The following LLGL2 variants were observed in gnomAD, a reference collection of about 807,000 sequenced individuals.
LLGL2 encodes LLGL2, scribble cell polarity complex component.
LLGL2 carries 81 observed loss-of-function variants against 123.2 expected under a neutral mutation model. That is an observed-to-expected ratio of 0.66 (90% CI 0.55 to 0.79). The LOEUF (loss-of-function observed/expected upper bound fraction) is 0.79. Ranked by LOEUF, LLGL2 falls within the 30% of genes least tolerant of loss-of-function variation. LLGL2 has a pLI of 0.00. For missense variants in LLGL2, 1,273 were observed against 1,414.6 expected (o/e 0.90, Z 1.61); for synonymous variants, 577 against 594.1 (o/e 0.97, Z 0.42).
chr17:75,571,199 G>A, intron 17 of LLGL2, 99 bp downstream of exon 17: 2 of 1,152,460 alleles, frequency 1.7e-6, no homozygotes, highest in South Asian at 1.4e-5. Flanking sequence ...CTGGCTGGTA[G>A]GAGCTAAGAG....
chr17:75,569,223 G>A lies in LLGL2; in HGVS notation c.1479G>A (p.Val493=). The A allele has an allele frequency of 6.2e-7, 1 of 1,613,442 alleles. No homozygotes were observed. The highest frequency in any genetic ancestry group is 8.5e-7 in the Non-Finnish European group (1 of 1,179,888). The part of the protein sequence containing the change: ...GEDEWPPLRK[V]GSFDPYSDDP... Reference sequence around the variant, plus strand: ...ACAGGGCCCCTCCCCTTCTCCAGGTGGGCTCCTTTGACCCCTACAGTGATG... The same window carrying A: ...ACAGGGCCCCTCCCCTTCTCCAGGTAGGCTCCTTTGACCCCTACAGTGATG... The change falls in exon 14 of 26, where the codon GTG becomes GTA. Residue 493 remains valine, a splice_region_variant and synonymous_variant. Transcript: ENST00000392550.
Position 75,564,493 on chromosome 17 carries a change from C to T in LLGL2, c.1022C>T (p.Ala341Val). Residue 341 changes from alanine (A) to valine (V), a missense_variant, in exon 10 of 26, where the codon GCA becomes GTA. Physicochemically the swap from Ala to Val is moderately conservative, Grantham distance 64. Coordinates refer to ENST00000392550, the MANE Select transcript of LLGL2 (RefSeq NM_001031803.2). This position sits in a 1 kb window ranked among gnomAD's most constrained non-coding sequence, Gnocchi z 4.9. ...ATCGGCTTCACTGTCCTCACAGAGG[C>T]AGACCCTGCAGCCAGTAGGAGAGCT... ...RVIGFTVLTE[A>V]DPAATFDDPY... 6.2e-7 allele frequency: 1 copy of T among 1,613,026 alleles called. No homozygotes were observed. The highest frequency in any genetic ancestry group is 1.1e-5 in the South Asian group (1 of 91,090).
Position 75,570,087 on chromosome 17 carries a change from G to T in LLGL2, c.1706G>T (p.Gly569Val). The change falls in exon 15 of 26, where the codon GGG becomes GTG. Residue 569 changes from glycine to valine, a missense_variant. Physicochemically the swap from Gly to Val is moderately radical, Grantham distance 109. Coordinates refer to ENST00000392550, the MANE Select transcript of LLGL2 (RefSeq NM_001031803.2). ...KGHERLAARS[G>V]PVRFEPGFQP... ...CACGAGCGCCTGGCAGCCCGCTCAG[G>T]GCCCGTGCGCTTTGAGCCTGGCTTT... 8 of 1,611,120 alleles carry T rather than the reference G, an allele frequency of 5.0e-6. No individual in the cohort carries two copies. The highest frequency in any genetic ancestry group is 6.8e-6 in the Non-Finnish European group (8 of 1,179,112).
intron 2 of LLGL2, among the ~76,000 whole-genome samples, chr17:75,550,136 G>A (rs2147272195): frequency 6.6e-6 from 1 of 152,340 alleles, no homozygotes; most frequent in South Asian, 2.1e-4. Flanking sequence ...GAGATAGCTA[G>A]GGTCCTAGAA....
In LLGL2 at chr17:75,525,797, C is replaced by CGAGGCT. The variant is rs2053541616; in HGVS notation, c.-59_-58insGAGGCT. On this transcript the variant is annotated 5_prime_UTR_variant, in exon 1 of 26. Coordinates refer to ENST00000392550, the MANE Select transcript of LLGL2 (RefSeq NM_001031803.2). This position sits in a 1 kb window ranked among gnomAD's most constrained non-coding sequence, Gnocchi z 4.8. ...GGCGGGCGCCGAGGGACGCCGAGGC[C>CGAGGCT]TCGGGCGGGGGCTGGCCCGGGGTTC... The CGAGGCT allele has an allele frequency of 1.1e-5, 1 of 88,116 alleles. No homozygotes were observed. Among genetic ancestry groups the CGAGGCT allele is most frequent in the Admixed American group, 1.1e-4 (1 of 9,484 alleles). The allele number at this position is 88,116 out of a possible 1,614,324, so 5.5% of individuals were successfully genotyped here. A position where few individuals can be genotyped will look rare whatever the true frequency, so the allele number is the denominator to read the frequency against.
In LLGL2 at chr17:75,570,064, C is replaced by T. The variant is rs370870539; in HGVS notation, c.1683C>T (p.His561=). ...QDQEGYRWKG[H]ERLAARSGPV... Reference sequence around the variant, plus strand: ...AAGAGGGCTACCGCTGGAAGGGGCACGAGCGCCTGGCAGCCCGCTCAGGGC... The same window carrying T: ...AAGAGGGCTACCGCTGGAAGGGGCATGAGCGCCTGGCAGCCCGCTCAGGGC... Residue 561 remains histidine (H), a synonymous_variant, in exon 15 of 26, where the codon CAC becomes CAT. Coordinates refer to ENST00000392550, the MANE Select transcript of LLGL2 (RefSeq NM_001031803.2). 65 of 1,612,360 alleles carry T rather than the reference C, an allele frequency of 4.0e-5. No individual in the cohort carries two copies. Among genetic ancestry groups the T allele is most frequent in the East Asian group, 8.9e-5 (4 of 44,886 alleles).
intron 2 of LLGL2, 58 bp from the exon 3 acceptor site, chr17:75,555,987 GC>G: frequency 7.3e-7 from 1 of 1,368,266 alleles, no homozygotes. Flanking sequence ...AGCTGCAGCA[GC>G]CATGGTGGCG....
At position 75,570,977 on chromosome 17, in the gene LLGL2, C is replaced by T. The variant is rs375717103; in HGVS notation, c.2053C>T (p.Arg685Trp). Residue 685 changes from arginine to tryptophan, a missense_variant, in exon 17 of 26, where the codon CGG becomes TGG. By Grantham distance (101) the Arg-to-Trp change is moderately radical. Coordinates refer to ENST00000392550, the MANE Select transcript of LLGL2 (RefSeq NM_001031803.2). The stretch of plus-strand genomic sequence containing the variant: ...ACAGGAGGGGAGTGCCAAGGCTGAG[C>T]GGCCAGGCCTCCAGAACATGGAGCT... ...EAQEGSAKAERPGLQNMELAP... is the reference protein window; with the variant it reads ...EAQEGSAKAEWPGLQNMELAP... 7 of 1,611,662 alleles carry T rather than the reference C, an allele frequency of 4.3e-6. No individual in the cohort carries two copies. The highest frequency in any genetic ancestry group is 2.2e-5 in the South Asian group (2 of 90,866).
At chr17:75,534,681 A>G (rs187781989) in intron 1 of LLGL2, among the ~76,000 whole-genome samples, 104 of 152,074 alleles carry the variant, frequency 6.8e-4, no homozygotes, top group African/African-American at 2.4e-3. Context: ...AGGTCTCCCT[A>G]AGTTGCCCAG....
In LLGL2 at chr17:75,554,716, C is replaced by T. The variant is rs1407962009; in HGVS notation, c.76-1330C>T. On this transcript the variant is annotated intron_variant, in intron 2 of 25. Transcript: ENST00000392550. ...CATCCTGGCTAACACAGTGAAACCCCGTCTCTACTAAAAATACAAAAAATT... is the reference window on the plus strand; with the variant it reads ...CATCCTGGCTAACACAGTGAAACCCTGTCTCTACTAAAAATACAAAAAATT... 4.6e-5 allele frequency among the ~76,000 whole-genome samples: 7 copies of T among 151,100 alleles called. No individual in the cohort carries two copies. The East Asian group carries it at 5.9e-4, about 13-fold the overall frequency.
At chr17:75,552,909 G>T (rs901282459) in intron 2 of LLGL2, among the ~76,000 whole-genome samples, 2 of 152,196 alleles carry the variant, frequency 1.3e-5, no homozygotes, top group Admixed American at 1.3e-4. Flanking sequence ...AGGCCATTGG[G>T]CTCCTGTAGG....
At position 75,559,072 on chromosome 17, in the gene LLGL2, G is replaced by A. The variant is rs2055077890; in HGVS notation, c.372-180G>A. 1.5e-6 allele frequency: 1 copy of A among 688,760 alleles called. No homozygotes were observed. Among genetic ancestry groups the A allele is most frequent in the Non-Finnish European group, 2.4e-6 (1 of 423,542 alleles). 42.7% of individuals were successfully genotyped at this position (688,760 alleles called of 1,614,324 possible). On this transcript the variant is annotated intron_variant, in intron 5 of 25. Coordinates refer to ENST00000392550, the MANE Select transcript of LLGL2 (RefSeq NM_001031803.2). The surrounding 1 kb of genome is among the most constrained non-coding windows in gnomAD (Gnocchi z 4.6). Reference sequence around the variant, plus strand: ...GGCGTCTTTCCTGCCTCCTAGCCCAGGCTCTCTGCCATCTGTCTCCTGTCT... The same window carrying A: ...GGCGTCTTTCCTGCCTCCTAGCCCAAGCTCTCTGCCATCTGTCTCCTGTCT...
intron 1 of LLGL2, among the ~76,000 whole-genome samples, chr17:75,539,031 C>T (rs995453556): frequency 6.6e-6 from 1 of 152,072 alleles, no homozygotes; most frequent in South Asian, 2.1e-4. Flanking sequence ...TAGCTGGGAC[C>T]ACAGGTGCTT....
chr17:75,543,105 G>A (rs558900017), intron 1 of LLGL2: 72 of 220,322 alleles, frequency 3.3e-4, no homozygotes, highest in Non-Finnish European at 4.9e-4. Flanking sequence ...CTCAGGGCCC[G>A]CCGGCCCTCC....
chr17:75,532,171 G>A (rs1210493682), intron 1 of LLGL2, among the ~76,000 whole-genome samples: 1 of 149,292 alleles, frequency 6.7e-6, no homozygotes, highest in Admixed American at 6.7e-5. Context: ...GTCTCCCCAG[G>A]TTCAAGTGAT....
intron 1 of LLGL2, among the ~76,000 whole-genome samples, chr17:75,530,637 G>A (rs1164629949): frequency 1.6e-5 from 2 of 124,950 alleles, no homozygotes; most frequent in Non-Finnish European, 1.8e-5. Context: ...GCGACAGAGC[G>A]AGACTCCATT....
rs765389510 is a variant in LLGL2 at position 75,574,490 on chromosome 17, C to T, written c.2991C>T (p.Asp997=). The change falls in exon 24 of 26, where the codon GAC becomes GAT. Residue 997 remains aspartate, a synonymous_variant. Transcript: ENST00000392550. The part of the protein sequence containing the change: ...LKEIQSTLEG[D]RGSGNWRSHR... ...AAATCCAGAGCACACTGGAGGGAGACCGCGGGTGAGGCACCGCCCAGGCCA... is the reference window on the plus strand; with the variant it reads ...AAATCCAGAGCACACTGGAGGGAGATCGCGGGTGAGGCACCGCCCAGGCCA... The T allele has an allele frequency of 1.3e-6, 2 of 1,557,148 alleles. No homozygotes were observed. Among genetic ancestry groups the T allele is most frequent in the Non-Finnish European group, 1.7e-6 (2 of 1,151,774 alleles).
Position 75,573,016 on chromosome 17 carries a change from G to A in LLGL2, c.2463G>A (p.Val821=), listed in dbSNP as rs1568079314. Residue 821 remains valine, a splice_region_variant and synonymous_variant, in exon 20 of 26, where the codon GTG becomes GTA. Transcript: ENST00000392550. ...GAACAACCACCCCACGCCCCCAGGT[G>A]TTCACGCTGCCCAAGGTGAGTGCCA... ...LLVVSEEQFK[V]FTLPKVSAKL... The A allele has an allele frequency of 6.2e-7, 1 of 1,602,738 alleles. No individual in the cohort carries two copies. Among genetic ancestry groups the A allele is most frequent in the Non-Finnish European group, 8.5e-7 (1 of 1,172,260 alleles).
chr17:75,569,605 C>T (rs1403872794), intron 14 of LLGL2, among the ~76,000 whole-genome samples: 2 of 152,098 alleles, frequency 1.3e-5, no homozygotes, highest in Non-Finnish European at 2.9e-5. Context: ...GAGTTCGAGA[C>T]CAGCCTGGCC....
Sources: gnomAD v4.1 joint callset for allele counts (sites outside exome capture counted in the v4.1 genomes callset) on GRCh38, gnomAD v4.1.1 for gene constraint, Gnocchi (gnomAD v3.1) non-coding constraint, MANE v1.5 for transcripts, NCBI Gene and HGNC (gene_info 2026-07-23, HGNC 2026-07-21) for gene names.